Variants in PLCG2 observed in about 807,000 individuals in gnomAD.
The protein encoded by PLCG2 is phospholipase C gamma 2, also known as 1-phosphatidylinositol 4,5-bisphosphate phosphodiesterase gamma-2.
PLCG2 carries 69 observed loss-of-function variants against 175.6 expected under a neutral mutation model. The ratio of observed to expected loss-of-function variants is 0.39; its 90% confidence interval spans 0.32 to 0.48. The LOEUF (loss-of-function observed/expected upper bound fraction) is 0.48, where lower values mean the gene tolerates loss of function less well. Ranked by LOEUF, PLCG2 falls within the 20% of genes least tolerant of loss-of-function variation. The pLI is 0.91. For synonymous variants in PLCG2, 827 were observed against 624.0 expected (o/e 1.33, Z -4.85); for missense variants, 1,798 against 1,650.9 (o/e 1.09, Z -1.54).
chr16:81,761,829 A>AT (rs556864309), intron 2 of PLCG2, among the ~76,000 whole-genome samples: 2,874 of 130,206 alleles, frequency 0.022, 36 homozygotes, highest in Middle Eastern at 0.034. Flanking sequence ...CACCCTGCAC[A>AT]TTTTTTTTTT....
intron 7 of PLCG2, among the ~76,000 whole-genome samples, chr16:81,876,714 C>G (rs1438072205): frequency 6.6e-6 from 1 of 152,224 alleles, no homozygotes; most frequent in Non-Finnish European, 1.5e-5. Context: ...TGGCCCTTTG[C>G]TGGGGTGGGA....
chr16:81,946,432 TG>T (rs1911152887), intron 31 of PLCG2, among the ~76,000 whole-genome samples, 169 bp downstream of exon 31: 2 of 152,294 alleles, frequency 1.3e-5, no homozygotes, highest in African/African-American at 4.8e-5. Flanking sequence ...CAGAGTGTCC[TG>T]GGTTTTCCCT....
intron 18 of PLCG2, among the ~76,000 whole-genome samples, chr16:81,911,631 G>T (rs923396804): frequency 2.1e-5 from 3 of 140,610 alleles, no homozygotes; most frequent in Admixed American, 1.4e-4. Context: ...TTAATTTTGA[G>T]ACCGGGTCTC....
intron 5 of PLCG2, among the ~76,000 whole-genome samples, chr16:81,867,424 CATT>C (rs375050893): frequency 7.9e-5 from 12 of 152,272 alleles, no homozygotes; most frequent in South Asian, 6.2e-4. Flanking sequence ...CAGGTGTGGT[CATT>C]ATGGGCACAC....
At chr16:81,861,013 C>T (rs1024669177) in intron 5 of PLCG2, among the ~76,000 whole-genome samples, 4 of 151,758 alleles carry the variant, frequency 2.6e-5, no homozygotes, top group African/African-American at 9.7e-5. Flanking sequence ...CAAAAAACAA[C>T]AAAAAAACCC....
chr16:81,839,295 G>A (rs1905695312), intron 2 of PLCG2, among the ~76,000 whole-genome samples: 1 of 152,038 alleles, frequency 6.6e-6, no homozygotes, highest in Non-Finnish European at 1.5e-5. Context: ...TTTGCAGTTT[G>A]AGAAATAATG....
intron 12 of PLCG2, 67 bp downstream of exon 12, chr16:81,893,861 A>C (rs1441491869): frequency 1.0e-6 from 1 of 991,546 alleles, no homozygotes; most frequent in Non-Finnish European, 1.6e-6. Context: ...TGGTTGCTCC[A>C]TGTTTTCTTT....
At chr16:81,806,791 A>G (rs1417245282) in intron 2 of PLCG2, among the ~76,000 whole-genome samples, 1 of 151,914 alleles carries the variant, frequency 6.6e-6, no homozygotes, top group African/African-American at 2.4e-5. Flanking sequence ...GGCTGTGTAG[A>G]TAAGTGTTTT....
At position 81,933,436 on chromosome 16, in the gene PLCG2, T is replaced by C. The variant is rs185909186; in HGVS notation, c.2740-993T>C. Among the ~76,000 whole-genome samples the C allele has an allele frequency of 3.7e-3, 557 of 152,286 alleles. 3 individuals carry two copies. Among genetic ancestry groups the C allele is most frequent in the Non-Finnish European group, 5.6e-3 (380 of 68,024 alleles). On this transcript the variant is annotated intron_variant, in intron 25 of 32. Coordinates refer to ENST00000564138, the MANE Select transcript of PLCG2 (RefSeq NM_002661.5). ...TGTTACACGGTCTGTAGCCACCTCA[T>C]TGATGGCAGAGGGCAGTCACAAAAT... is the stretch of plus-strand genomic sequence containing the variant.
chr16:81,867,918 C>T (rs896779972), intron 5 of PLCG2, among the ~76,000 whole-genome samples: 8 of 152,180 alleles, frequency 5.3e-5, no homozygotes, highest in Non-Finnish European at 5.9e-5. Flanking sequence ...CCAGGATGGT[C>T]TCGATCCTCT....
At chr16:81,775,532 C>G (rs1482824283), upstream of PLCG2, among the ~76,000 whole-genome samples, 3 of 152,146 alleles carry the variant, frequency 2.0e-5, no homozygotes, top group Admixed American at 1.3e-4. Context: ...CCTCCCTCAT[C>G]TCACAGTCCC....
chr16:81,936,703 G>T (rs1910729253), intron 27 of PLCG2, among the ~76,000 whole-genome samples: 1 of 152,210 alleles, frequency 6.6e-6, no homozygotes, highest in South Asian at 2.1e-4. Flanking sequence ...GCCTGTTGCT[G>T]TGTGAGGGCT....
At chr16:81,877,266 G>A (rs62047361) in intron 7 of PLCG2, among the ~76,000 whole-genome samples, 43,335 of 151,956 alleles carry the variant, frequency 0.29, 6,511 homozygotes, top group Non-Finnish European at 0.34. Flanking sequence ...CATCCTGGCT[G>A]ACACGGTGAA....
intron 29 of PLCG2, 60 bp from the exon 30 acceptor site, chr16:81,939,832 T>G: frequency 8.8e-7 from 1 of 1,139,694 alleles, no homozygotes; most frequent in South Asian, 1.3e-5. Flanking sequence ...ATGCGGAGAT[T>G]GTCTTACCAG....
At chr16:81,769,309 T>A (rs979613037) in intron 2 of PLCG2, among the ~76,000 whole-genome samples, 4 of 152,342 alleles carry the variant, frequency 2.6e-5, no homozygotes, top group Non-Finnish European at 4.4e-5. Flanking sequence ...CCTGGGTTTC[T>A]TCCCTGTTGT....
In PLCG2 at chr16:81,741,112, C is replaced by G. The variant is rs186617699; in HGVS notation, c.-145+1727C>G. Among the ~76,000 whole-genome samples, 359 of 152,316 alleles carry G rather than the reference C, an allele frequency of 2.4e-3. 2 individuals carry two copies. The highest frequency in any genetic ancestry group is 4.4e-3 in the Non-Finnish European group (300 of 68,024). On this transcript the variant is annotated intron_variant, in intron 1 of 5. Transcript: ENST00000565054. ...TTGATCCACCTGCTGCCCCGACATC[C>G]AGGCCCAGCCTCACACCGAGACACT...
Position 81,831,513 on chromosome 16 carries a change from A to C in PLCG2, c.194-22931A>C, listed in dbSNP as rs115304988. Reference sequence around the variant, plus strand: ...CCCTCTCTATTTGTCTCAGTTTTACACCTGGGGACATGGTGGGGTTAGTAT... The same window carrying C: ...CCCTCTCTATTTGTCTCAGTTTTACCCCTGGGGACATGGTGGGGTTAGTAT... On this transcript the variant is annotated intron_variant, in intron 2 of 32. Transcript: ENST00000564138. Among the ~76,000 whole-genome samples the C allele has an allele frequency of 6.3e-3, 958 of 152,258 alleles. 13 individuals carry two copies. The highest frequency in any genetic ancestry group is 0.022 in the African/African-American group (907 of 41,538).
Position 81,769,804 on chromosome 16 carries a change from A to T in PLCG2, c.-48+13838A>T, listed in dbSNP as rs868245739. 1.0e-4 allele frequency among the ~76,000 whole-genome samples: 14 copies of T among 137,938 alleles called. 1 individual carries two copies. The highest frequency in any genetic ancestry group is 7.5e-3 in the Middle Eastern group (2 of 268). 90.5% of individuals were successfully genotyped at this position (137,938 alleles called of 152,430 possible). A position where few individuals can be genotyped will look rare whatever the true frequency, so the allele number is the denominator to read the frequency against. ...CACTGCACTCCAGCCTGGGCGACAG[A>T]GCGAGACTCCGTCTCAAAAAAAAAA... On this transcript the variant is annotated intron_variant, in intron 2 of 5. Transcript: ENST00000565054.
chr16:81,832,820 A>C (rs965032486), intron 2 of PLCG2, among the ~76,000 whole-genome samples: 3 of 152,244 alleles, frequency 2.0e-5, no homozygotes, highest in Non-Finnish European at 2.9e-5. Context: ...CCATCCTTGC[A>C]GCTAGTGGGA....
Sources: gnomAD v4.1 joint callset for allele counts (sites outside exome capture counted in the v4.1 genomes callset) on GRCh38, gnomAD v4.1.1 for gene constraint, MANE v1.5 for transcripts, NCBI Gene and HGNC (gene_info 2026-07-23, HGNC 2026-07-21) for gene names.